Variants in RIMS1 observed in about 807,000 individuals in gnomAD.
RIMS1 encodes regulating synaptic membrane exocytosis 1.
In RIMS1, 83 loss-of-function variants were observed where a neutral mutation model predicts 214.1. The observed-to-expected ratio is 0.39, with a 90% CI of 0.32 to 0.47. The LOEUF is 0.47. Among genes scored for constraint, RIMS1 ranks in the 20% least tolerant of loss-of-function variants. RIMS1 has a pLI of 0.99. For missense variants in RIMS1, 2,050 were observed against 2,161.8 expected (o/e 0.95, Z 1.03); for synonymous variants, 793 against 786.8 (o/e 1.01, Z -0.13).
chr6:72,090,602 G>A (rs1024693649), intron 2 of RIMS1, among the ~76,000 whole-genome samples: 5 of 151,972 alleles, frequency 3.3e-5, no homozygotes, highest in African/African-American at 1.2e-4. Flanking sequence ...ACTAAAAGGG[G>A]GACAATTGTG....
chr6:72,119,782 T>C (rs1413942066), intron 4 of RIMS1, among the ~76,000 whole-genome samples: 2 of 151,746 alleles, frequency 1.3e-5, no homozygotes, highest in African/African-American at 4.8e-5. Context: ...CAGGTATTTC[T>C]TTAATGCTAT....
At chr6:72,354,331 C>T (rs2097559360) in intron 29 of RIMS1, among the ~76,000 whole-genome samples, 1 of 152,212 alleles carries the variant, frequency 6.6e-6, no homozygotes, top group Non-Finnish European at 1.5e-5. Flanking sequence ...AAAATTCTAG[C>T]TCTTAAGCTA....
chr6:71,903,036 T>C (rs1774175743), intron 1 of RIMS1, among the ~76,000 whole-genome samples: 1 of 152,176 alleles, frequency 6.6e-6, no homozygotes. Context: ...CCTTTGGGCA[T>C]ATACCCAGTG....
At chr6:72,337,969 T>A (rs1187882400) in intron 29 of RIMS1, among the ~76,000 whole-genome samples, 4 of 151,834 alleles carry the variant, frequency 2.6e-5, no homozygotes, top group African/African-American at 9.7e-5. Context: ...ATGTGCCACA[T>A]TTCCTTAATC....
At chr6:72,171,406 A>C (rs539506607) in intron 4 of RIMS1, among the ~76,000 whole-genome samples, 301 of 151,440 alleles carry the variant, frequency 2.0e-3, no homozygotes, top group Middle Eastern at 6.9e-3. Context: ...ACACACACAC[A>C]CCTCCATGGG....
chr6:72,255,770 G>T (rs979952355), intron 16 of RIMS1, among the ~76,000 whole-genome samples: 1 of 152,120 alleles, frequency 6.6e-6, no homozygotes, highest in Non-Finnish European at 1.5e-5. Flanking sequence ...GGGCACGGTG[G>T]CTCACGCCTG....
At chr6:71,943,928 T>C (rs1786989507) in intron 1 of RIMS1, among the ~76,000 whole-genome samples, 1 of 152,206 alleles carries the variant, frequency 6.6e-6, no homozygotes, top group Admixed American at 6.5e-5. Flanking sequence ...ATTCTAATAT[T>C]ATTCAACAGA....
intron 2 of RIMS1, among the ~76,000 whole-genome samples, chr6:71,969,436 T>G (rs1795267303): frequency 6.6e-6 from 1 of 152,140 alleles, no homozygotes; most frequent in Non-Finnish European, 1.5e-5. Flanking sequence ...TGGGGGCCAG[T>G]GTGTTTAAGG....
chr6:71,953,484 T>G (rs1462688485), intron 1 of RIMS1, among the ~76,000 whole-genome samples: 1 of 152,122 alleles, frequency 6.6e-6, no homozygotes, highest in African/African-American at 2.4e-5. Flanking sequence ...GAGTCAATAT[T>G]TTTGAACAAT....
chr6:72,187,315 C>T (rs751974474), intron 6 of RIMS1, among the ~76,000 whole-genome samples: 3 of 152,058 alleles, frequency 2.0e-5, no homozygotes, highest in Non-Finnish European at 4.4e-5. Flanking sequence ...TTATAAGTTG[C>T]ATATTATTTA....
intron 4 of RIMS1, among the ~76,000 whole-genome samples, chr6:72,179,154 G>T (rs1311219574): frequency 6.6e-6 from 1 of 152,062 alleles, no homozygotes; most frequent in Non-Finnish European, 1.5e-5. Flanking sequence ...TGCAAGTACT[G>T]AGGTTTATGT....
intron 2 of RIMS1, among the ~76,000 whole-genome samples, chr6:71,969,328 T>A (rs1368409535): frequency 6.6e-6 from 1 of 151,768 alleles, no homozygotes; most frequent in African/African-American, 2.4e-5. Flanking sequence ...ACAGCAATTC[T>A]TTTTTGTTTG....
chr6:72,274,276 G>C (rs1454599093), intron 22 of RIMS1, 73 bp from the exon 23 acceptor site: 16 of 1,054,912 alleles, frequency 1.5e-5, no homozygotes, highest in Non-Finnish European at 2.3e-5. Context: ...CAGTCCTCTT[G>C]TTCCATGTAT....
At chr6:72,347,234 G>A (rs182252312) in intron 29 of RIMS1, among the ~76,000 whole-genome samples, 29 of 151,914 alleles carry the variant, frequency 1.9e-4, no homozygotes, top group African/African-American at 4.6e-4. Flanking sequence ...GTAAAAGCAC[G>A]TCACTCAACC....
intron 28 of RIMS1, among the ~76,000 whole-genome samples, chr6:72,325,602 G>T (rs531145909): frequency 1.3e-5 from 2 of 151,700 alleles, no homozygotes; most frequent in South Asian, 4.2e-4. Context: ...ATGTAATATA[G>T]TCAGAAATAT....
At chr6:72,275,120 GTATATATATA>G (rs10526446) in intron 23 of RIMS1, among the ~76,000 whole-genome samples, 28 of 81,514 alleles carry the variant, frequency 3.4e-4, no homozygotes, top group South Asian at 5.9e-4. Context: ...CTATTTTATG[GTATATATATA>G]TATATATATA....
intron 2 of RIMS1, among the ~76,000 whole-genome samples, chr6:72,074,761 G>A (rs565243988): frequency 1.3e-5 from 2 of 152,252 alleles, no homozygotes; most frequent in African/African-American, 4.8e-5. Flanking sequence ...TAAAGTATGT[G>A]TATTGTTTCT....
intron 2 of RIMS1, among the ~76,000 whole-genome samples, chr6:72,038,113 AAAAAAATATATATATATATATATATAT>A (rs1820345712): frequency 1.5e-5 from 1 of 65,424 alleles, no homozygotes; most frequent in South Asian, 5.5e-4. Context: ...AAAAAAAAAA[AAAAAAATATATATATATATATATATAT>A]ATATATATAT....
chr6:72,215,956 A>G (rs557614336), intron 6 of RIMS1, among the ~76,000 whole-genome samples: 1 of 152,312 alleles, frequency 6.6e-6, no homozygotes, highest in South Asian at 2.1e-4. Context: ...TAAATAAATG[A>G]AAGATGTTCC....
Sources: gnomAD v4.1 joint callset for allele counts (sites outside exome capture counted in the v4.1 genomes callset) on GRCh38, gnomAD v4.1.1 for gene constraint, MANE v1.5 for transcripts, NCBI Gene and HGNC (gene_info 2026-07-23, HGNC 2026-07-21) for gene names.